Variants in PTPRN2 observed in about 807,000 individuals in gnomAD.
The protein encoded by PTPRN2 is protein tyrosine phosphatase receptor type N2.
In PTPRN2, 74 loss-of-function variants were observed where a neutral mutation model predicts 118.8. The ratio of observed to expected loss-of-function variants is 0.62; its 90% CI spans 0.52 to 0.76. PTPRN2 has a LOEUF of 0.76. Among genes scored for constraint, PTPRN2 ranks in the 30% least tolerant of loss-of-function variants. PTPRN2 has a pLI of 0.00. For synonymous variants in PTPRN2, 641 were observed against 608.0 expected, an observed-to-expected ratio of 1.05 and a Z score of -0.80; for missense variants, 1,481 against 1,394.4, an observed-to-expected ratio of 1.06 and a Z score of -0.99.
Position 158,134,040 on chromosome 7 carries a change from G to A in PTPRN2, c.1193C>T (p.Thr398Ile). The A allele has an allele frequency of 6.2e-7, 1 of 1,613,574 alleles. No homozygotes were observed. The highest frequency in any genetic ancestry group is 8.5e-7 in the Non-Finnish European group (1 of 1,179,812). The change falls in exon 9 of 23, where the codon ACA (threonine) becomes ATA (isoleucine). Residue 398 changes from threonine to isoleucine, a missense_variant. By Grantham distance (89) the Thr-to-Ile change is moderately conservative. Coordinates refer to ENST00000389418, the MANE Select transcript of PTPRN2 (RefSeq NM_002847.5). ...LYQEVHRLSA[T>I]LGGLLQDHGS... ...GTGGTCCTGCAGGAGGCCCCCGAGT[G>A]TGGCACTCAGACGATGGACCTGACA...
At position 158,486,716 on chromosome 7, in the gene PTPRN2, G is replaced by A. The variant is rs80075245; in HGVS notation, c.163+3019C>T. Reference sequence around the variant, plus strand: ...CCTTACAGCTGAAGCATTCGATTACGTTAAATGAGCATGTGCAGAGGCTGC... The same window carrying A: ...CCTTACAGCTGAAGCATTCGATTACATTAAATGAGCATGTGCAGAGGCTGC... On this transcript the variant is annotated intron_variant, in intron 2 of 22. Coordinates refer to ENST00000389418, the MANE Select transcript of PTPRN2 (RefSeq NM_002847.5). 2.3e-3 allele frequency among the ~76,000 whole-genome samples: 350 copies of A among 152,318 alleles called. 2 individuals carry two copies. The highest frequency in any genetic ancestry group is 0.014 in the East Asian group (70 of 5,184).
chr7:157,687,224 G>A (rs1305694891), intron 12 of PTPRN2, among the ~76,000 whole-genome samples: 1 of 152,172 alleles, frequency 6.6e-6, no homozygotes, highest in Non-Finnish European at 1.5e-5. Flanking sequence ...AACTTTTTTA[G>A]CTGTCCATGT....
chr7:158,410,202 G>C (rs1433049684), intron 2 of PTPRN2, among the ~76,000 whole-genome samples: 1 of 152,134 alleles, frequency 6.6e-6, no homozygotes, highest in Non-Finnish European at 1.5e-5. Flanking sequence ...TCAAGCATCT[G>C]ACAAGCTACC....
chr7:158,341,386 C>G (rs1300114689), intron 2 of PTPRN2, among the ~76,000 whole-genome samples: 1 of 150,572 alleles, frequency 6.6e-6, no homozygotes. Context: ...CACACCCACA[C>G]TCTCACCATA....
In PTPRN2 at chr7:157,674,954, G is replaced by A. The variant is rs73163860; in HGVS notation, c.2001+7771C>T. ...AGGGACGGTGGCCCCAAGGGGAGCC[G>A]GGAGAGCAGAGGCTACAGGCAGGGA... On this transcript the variant is annotated intron_variant, in intron 13 of 22. Coordinates refer to ENST00000389418, the MANE Select transcript of PTPRN2 (RefSeq NM_002847.5). This position sits in a 1 kb window ranked among gnomAD's most constrained non-coding sequence, Gnocchi z 4.5. Among the ~76,000 whole-genome samples, 17,048 of 152,150 alleles carry A rather than the reference G, an allele frequency of 0.11. 1,062 individuals carry two copies. Among genetic ancestry groups the A allele is most frequent in the African/African-American group, 0.16 (6,786 of 41,478 alleles).
chr7:158,330,956 A>C (rs1431427910), intron 2 of PTPRN2, among the ~76,000 whole-genome samples: 33 of 64,676 alleles, frequency 5.1e-4, no homozygotes, highest in East Asian at 1.6e-3. Flanking sequence ...GAGCTGTCAC[A>C]CGCAGACGAC....
rs979665468 is a variant in PTPRN2 at position 157,977,924 on chromosome 7, C to T, written c.1724-79187G>A. 7.9e-5 allele frequency among the ~76,000 whole-genome samples: 12 copies of T among 151,794 alleles called. No individual in the cohort carries two copies. The highest frequency in any genetic ancestry group is 2.7e-4 in the African/African-American group (11 of 41,446). On this transcript the variant is annotated intron_variant, in intron 11 of 22. Coordinates refer to ENST00000389418, the MANE Select transcript of PTPRN2 (RefSeq NM_002847.5). This position sits in a 1 kb window ranked among gnomAD's most constrained non-coding sequence, Gnocchi z 4.6. ...TCAGCTTCCCGATGTGTCTGTGGGC[C>T]GGCAGGACTCACCGCCGCAGGCAGC...
chr7:158,547,174 A>G (rs774327705), intron 1 of PTPRN2, among the ~76,000 whole-genome samples: 2 of 152,214 alleles, frequency 1.3e-5, no homozygotes, highest in Non-Finnish European at 2.9e-5. Flanking sequence ...TAAGATGCAC[A>G]TAACATAAAT....
rs142940779 is a variant in PTPRN2 at position 157,829,150 on chromosome 7, A to G, written c.1788+69523T>C. 6.5e-4 allele frequency among the ~76,000 whole-genome samples: 99 copies of G among 152,380 alleles called. 1 individual carries two copies. The East Asian group carries it at 0.015, about 23-fold the overall frequency. Reference sequence around the variant, plus strand: ...CTGAAATATGTAATACATTTTTAATAAGGACAACTAAATTTGTTTCCCTAG... The same window carrying G: ...CTGAAATATGTAATACATTTTTAATGAGGACAACTAAATTTGTTTCCCTAG... On this transcript the variant is annotated intron_variant, in intron 12 of 22. Coordinates refer to ENST00000389418, the MANE Select transcript of PTPRN2 (RefSeq NM_002847.5).
intron 17 of PTPRN2, among the ~76,000 whole-genome samples, chr7:157,588,712 C>T (rs1248813526): frequency 2.0e-5 from 3 of 152,198 alleles, no homozygotes; most frequent in East Asian, 1.9e-4. Context: ...CTGGAAATGC[C>T]GAGGTCACTG....
chr7:158,025,507 G>A (rs1420442787), intron 11 of PTPRN2, among the ~76,000 whole-genome samples: 1 of 152,148 alleles, frequency 6.6e-6, no homozygotes, highest in Non-Finnish European at 1.5e-5. Context: ...TAATAGCCCT[G>A]TGGGAACACA....
intron 12 of PTPRN2, among the ~76,000 whole-genome samples, chr7:157,888,063 G>GA (rs1796589086): frequency 1.3e-5 from 2 of 150,356 alleles, no homozygotes; most frequent in African/African-American, 2.4e-5. Context: ...GTCTTGGGGG[G>GA]TGTGAGTGAA....
intron 14 of PTPRN2, among the ~76,000 whole-genome samples, chr7:157,654,594 AC>A (rs1399464499): frequency 6.6e-6 from 1 of 151,622 alleles, no homozygotes; most frequent in Non-Finnish European, 1.5e-5. Flanking sequence ...GCCCTCGATG[AC>A]CCCCCAACAG....
chr7:157,804,442 T>C (rs1281977474), intron 12 of PTPRN2, among the ~76,000 whole-genome samples: 1 of 152,222 alleles, frequency 6.6e-6, no homozygotes, highest in Non-Finnish European at 1.5e-5. Flanking sequence ...CCAGTGTCTG[T>C]GCACGGAGCT....
chr7:157,940,740 T>A (rs1585053453), intron 11 of PTPRN2, among the ~76,000 whole-genome samples: 1 of 61,930 alleles, frequency 1.6e-5, no homozygotes, highest in Admixed American at 2.4e-4. Flanking sequence ...CCCTGCCCCA[T>A]GACACTGCAA....
rs573235996 is a variant in PTPRN2 at position 158,282,215 on chromosome 7, C to T, written c.277+34604G>A. Among the ~76,000 whole-genome samples the T allele has an allele frequency of 4.8e-5, 7 of 147,186 alleles. No individual in the cohort carries two copies. In the South Asian group the frequency reaches 6.4e-4, roughly 14 times the overall value. Reference sequence around the variant, plus strand: ...TTTTCCTTTCTATTTTCAGACAAATCGTCACTCAGCATAGTAAACCCAAGA... The same window carrying T: ...TTTTCCTTTCTATTTTCAGACAAATTGTCACTCAGCATAGTAAACCCAAGA... On this transcript the variant is annotated intron_variant, in intron 3 of 22. Coordinates refer to ENST00000389418, the MANE Select transcript of PTPRN2 (RefSeq NM_002847.5).
At chr7:157,545,119 T>A (rs576577317) in intron 22 of PTPRN2, among the ~76,000 whole-genome samples, 6 of 136,850 alleles carry the variant, frequency 4.4e-5, no homozygotes, top group Non-Finnish European at 9.5e-5. Flanking sequence ...TAGGTGTGTG[T>A]GGGGTGTATG....
At chr7:158,277,886 C>G (rs1372097005) in intron 3 of PTPRN2, among the ~76,000 whole-genome samples, 4 of 152,190 alleles carry the variant, frequency 2.6e-5, no homozygotes, top group Non-Finnish European at 2.9e-5. Flanking sequence ...GGCATCACGG[C>G]TGCGGCAGAG....
At chr7:158,051,598 A>T (rs2128896834) in intron 11 of PTPRN2, among the ~76,000 whole-genome samples, 1 of 152,268 alleles carries the variant, frequency 6.6e-6, no homozygotes, top group Admixed American at 6.5e-5. Flanking sequence ...ACTGAATTAC[A>T]TCCATGTCGT....
Sources: allele counts gnomAD v4.1 joint callset (sites outside exome capture counted in the v4.1 genomes callset), GRCh38; gene constraint gnomAD v4.1.1; non-coding constraint Gnocchi (gnomAD v3.1); transcripts MANE v1.5; gene names NCBI Gene and HGNC (gene_info 2026-07-23, HGNC 2026-07-21).